TAOK2: variants seen among roughly 807,000 people sequenced by gnomAD.
TAOK2 encodes TAO kinase 2.
In TAOK2, 42 loss-of-function variants were observed where a neutral mutation model predicts 122.5. The observed-to-expected ratio is 0.34, with a 90% CI of 0.27 to 0.44. The LOEUF (loss-of-function observed/expected upper bound fraction) is 0.44. TAOK2 is among the 20% of genes least tolerant of loss of function. The probability of loss-of-function intolerance (pLI) is 1.00; values close to 1 mark genes in which losing one functional copy is unlikely to be tolerated. For missense variants in TAOK2, 1,264 were observed against 1,644.9 expected, an observed-to-expected ratio of 0.77 and a Z score of 4.01; for synonymous variants, 704 against 677.6, an observed-to-expected ratio of 1.04 and a Z score of -0.61.
Position 29,987,952 on chromosome 16 carries a change from A to G in TAOK2, c.3680A>G (p.Gln1227Arg). The G allele has an allele frequency of 6.5e-7, 1 of 1,543,580 alleles. No individual in the cohort carries two copies. The highest frequency in any genetic ancestry group is 8.7e-7 in the Non-Finnish European group (1 of 1,150,046). Residue 1227 changes from glutamine to arginine, a missense_variant, in exon 16 of 16, where the codon CAG becomes CGG. Gln to Arg is a conservative substitution (Grantham distance 43). This residue lies in a region of TAOK2 where 824 missense variants were observed against 908.7 expected (regional missense o/e 0.91). Transcript: ENST00000308893. ...GCCGGGCGGAGGTCACGCACCCGCCAGTCCCGGGCCCTGCCCCCCTGGAGG... is the reference window on the plus strand; with the variant it reads ...GCCGGGCGGAGGTCACGCACCCGCCGGTCCCGGGCCCTGCCCCCCTGGAGG... ...TLAGRRSRTR[Q>R]SRALPPWR is the part of the protein sequence containing the mutation.
chr16:29,976,918 C>T (rs2069472970), intron 1 of TAOK2, among the ~76,000 whole-genome samples: 1 of 152,332 alleles, frequency 6.6e-6, no homozygotes, highest in African/African-American at 2.4e-5. Context: ...GGACAAGGCA[C>T]TTAACCTTGC....
downstream of TAOK2, chr16:29,991,716 T>C (rs916816451): frequency 1.8e-6 from 2 of 1,096,286 alleles, no homozygotes; most frequent in African/African-American, 1.6e-5. The surrounding 1 kb of genome is among the most constrained non-coding windows in gnomAD (Gnocchi z 5.6). Context: ...CATGAGCTTC[T>C]TGGGGCTGGC....
chr16:29,980,804 ATATC>A (rs1447180329), intron 8 of TAOK2: 3 of 152,208 alleles, frequency 2.0e-5, no homozygotes, highest in Admixed American at 6.5e-5. Context: ...AAAAAAATAT[ATATC>A]AGTCTGATTA....
chr16:29,990,551 C>T (rs1596624218), downstream of TAOK2: 1 of 369,764 alleles, frequency 2.7e-6, no homozygotes, highest in Non-Finnish European at 4.8e-6. Context: ...AGGTTGTTTC[C>T]AGTATTTTGC....
chr16:29,978,939 G>C, intron 5 of TAOK2, 35 bp from the exon 6 acceptor site: 1 of 1,613,532 alleles, frequency 6.2e-7, no homozygotes. Context: ...CCACCCTTGC[G>C]CTCCCTCGGG....
At chr16:29,989,626 G>A, downstream of TAOK2, 1 of 1,614,034 alleles carries the variant, frequency 6.2e-7, no homozygotes, top group Non-Finnish European at 8.5e-7. Context: ...GCAGTTCCAG[G>A]AGACGTGTAA....
rs1319923797 is a variant in TAOK2 at position 29,986,571 on chromosome 16, A to G, written c.2299A>G (p.Thr767Ala). ...TCCTGGGGCTCTGGGCCCACCCAAC[A>G]CAGGCACCCCTATAGAACAGCAGCC... ...PIPGALGPPNTGTPIEQQPCS... is the reference protein window; with the variant it reads ...PIPGALGPPNAGTPIEQQPCS... Residue 767 changes from threonine to alanine, a missense_variant, in exon 16 of 16, where the codon ACA (threonine) becomes GCA (alanine). Transcript: ENST00000308893. This position sits in a 1 kb window ranked among gnomAD's most constrained non-coding sequence, Gnocchi z 4.2. The G allele has an allele frequency of 1.2e-6, 2 of 1,613,848 alleles. No homozygotes were observed. The highest frequency in any genetic ancestry group is 1.1e-5 in the South Asian group (1 of 91,004).
rs769285428 is a variant in TAOK2 at position 29,986,661 on chromosome 16, GGA to G, written c.2396_2397del (p.Arg799LysfsTer26). 6.2e-7 allele frequency: 1 copy of G among 1,612,818 alleles called. No homozygotes were observed. The highest frequency in any genetic ancestry group is 1.7e-5 in the Admixed American group (1 of 59,678). On this transcript the variant is annotated frameshift_variant, in exon 16 of 16. Transcript: ENST00000308893. LOFTEE classifies it high-confidence loss of function. This position sits in a 1 kb window ranked among gnomAD's most constrained non-coding sequence, Gnocchi z 4.2. ...GCTTGGCGAGGAGGAGGAAGCAGTT[GGA>G]GAGAGAAGGATTCTGGGAAAGGAAG... ...RMLGEEEEAV[G>X]ERRILGKEGA...
At chr16:29,989,683 A>G, downstream of TAOK2, 1 of 1,614,104 alleles carries the variant, frequency 6.2e-7, no homozygotes, top group Non-Finnish European at 8.5e-7. Flanking sequence ...CTTGCTGGAG[A>G]CCACGCCCAA....
chr16:29,982,936 C>G, intron 11 of TAOK2, 35 bp downstream of exon 11: 1 of 1,610,338 alleles, frequency 6.2e-7, no homozygotes, highest in Non-Finnish European at 8.5e-7. Flanking sequence ...CTCTTTATAC[C>G]CCATGTGTGC....
At position 29,985,371 on chromosome 16, in the gene TAOK2, G is replaced by C; in HGVS notation, c.1581G>C (p.Glu527Asp). Residue 527 changes from glutamate (E) to aspartate (D), a missense_variant, in exon 14 of 16, where the codon GAG becomes GAC. Glu to Asp is a conservative substitution (Grantham distance 45). Coordinates refer to ENST00000308893, the MANE Select transcript of TAOK2 (RefSeq NM_016151.4). This position sits in a 1 kb window ranked among gnomAD's most constrained non-coding sequence, Gnocchi z 6.9. ...REEHSARLQR[E>D]LEAQRAGFGA... is the part of the protein sequence containing the mutation. Reference sequence around the variant, plus strand: ...AGCACAGTGCACGGCTGCAGCGGGAGCTTGAGGCGCAGCGGGCTGGCTTTG... The same window carrying C: ...AGCACAGTGCACGGCTGCAGCGGGACCTTGAGGCGCAGCGGGCTGGCTTTG... 6.2e-7 allele frequency: 1 copy of C among 1,610,862 alleles called. No homozygotes were observed. Among genetic ancestry groups the C allele is most frequent in the Non-Finnish European group, 8.5e-7 (1 of 1,178,310 alleles).
rs533257570 is a variant in TAOK2, at chr16:29,979,325, T to C, written c.563+17T>C. ...CCCATACTGGTGAGTGAGTGAGTGGTGGTGAGTGGAGAGACCTCCCAGGGA... is the reference window on the plus strand; with the variant it reads ...CCCATACTGGTGAGTGAGTGAGTGGCGGTGAGTGGAGAGACCTCCCAGGGA... On this transcript the variant is annotated intron_variant, in intron 7 of 15. Transcript: ENST00000308893. The surrounding 1 kb of genome is among the most constrained non-coding windows in gnomAD (Gnocchi z 4.1). 3.2e-5 allele frequency: 51 copies of C among 1,613,294 alleles called. No individual in the cohort carries two copies. Among genetic ancestry groups the C allele is most frequent in the Non-Finnish European group, 4.2e-5 (49 of 1,179,524 alleles).
In TAOK2 at chr16:29,979,207, T is replaced by C; in HGVS notation, c.462T>C (p.Ala154=). Residue 154 remains alanine (A), a synonymous_variant, in exon 7 of 16, where the codon GCT becomes GCC. Transcript: ENST00000308893. The surrounding 1 kb of genome is among the most constrained non-coding windows in gnomAD (Gnocchi z 4.1). ...TTGCCTCTGGCAGGGATGTGAAGGCTGGAAACATCCTGCTGTCAGAGCCAG... is the reference window on the plus strand; with the variant it reads ...TTGCCTCTGGCAGGGATGTGAAGGCCGGAAACATCCTGCTGTCAGAGCCAG... ...SHNMIHRDVK[A]GNILLSEPGL... The C allele has an allele frequency of 1.9e-6, 3 of 1,614,204 alleles. No homozygotes were observed. The highest frequency in any genetic ancestry group is 2.5e-6 in the Non-Finnish European group (3 of 1,180,016).
At chr16:29,975,489 C>T (rs1256649923) in intron 1 of TAOK2, among the ~76,000 whole-genome samples, 8 of 152,146 alleles carry the variant, frequency 5.3e-5, no homozygotes, top group Admixed American at 4.6e-4. Flanking sequence ...CCCTAGGAGT[C>T]CAGGCTGGGG....
chr16:29,989,162 T>TTC, downstream of TAOK2: 2 of 985,210 alleles, frequency 2.0e-6, no homozygotes, highest in African/African-American at 3.5e-5. Flanking sequence ...CTCGTGCACG[T>TTC]TCTCATATTT....
At chr16:29,982,692 G>T in intron 10 of TAOK2, 42 bp from the exon 11 acceptor site, 1 of 1,589,898 alleles carries the variant, frequency 6.3e-7, no homozygotes, top group East Asian at 2.2e-5. Context: ...GTTGTGGGGG[G>T]AAGGGGAGTT....
At chr16:29,981,236 G>A (rs970013065) in intron 8 of TAOK2, 4 of 403,702 alleles carry the variant, frequency 9.9e-6, no homozygotes, top group Non-Finnish European at 1.8e-5. Flanking sequence ...TCTTATACCA[G>A]TTAATACTTT....
downstream of TAOK2, chr16:29,989,440 GT>G: frequency 1.0e-6 from 1 of 981,244 alleles, no homozygotes; most frequent in Non-Finnish European, 1.2e-6. Flanking sequence ...CATGTTTTCT[GT>G]TTCTCTCCCT....
At chr16:29,984,067 GC>G (rs34046780) in intron 13 of TAOK2, among the ~76,000 whole-genome samples, 1 of 152,172 alleles carries the variant, frequency 6.6e-6, no homozygotes, top group East Asian at 1.9e-4. Flanking sequence ...TGCCGGGGGT[GC>G]CCTGTGCTTG....
Sources: gnomAD v4.1 joint callset for allele counts (sites outside exome capture counted in the v4.1 genomes callset) on GRCh38, gnomAD v4.1.1 for gene constraint, gnomAD v4.1.1 regional missense constraint, Gnocchi (gnomAD v3.1) non-coding constraint, MANE v1.5 for transcripts, NCBI Gene and HGNC (gene_info 2026-07-23, HGNC 2026-07-21) for gene names.